Variants in CNGA3 observed in about 807,000 individuals in gnomAD.
CNGA3 encodes cyclic nucleotide-gated channel alpha-3.
Under a neutral mutation model 46.6 loss-of-function variants are expected in CNGA3, and 42 were observed. That is an observed-to-expected ratio of 0.90 (90% CI 0.70 to 1.17). The LOEUF (loss-of-function observed/expected upper bound fraction) is 1.17. Ranked by LOEUF, CNGA3 falls within the 50% of genes most tolerant of loss-of-function variation. The pLI is 0.00. For synonymous variants in CNGA3, 394 were observed against 369.4 expected (o/e 1.07, Z -0.76); for missense variants, 893 against 890.7 (o/e 1.00, Z -0.03).
intron 1 of CNGA3, among the ~76,000 whole-genome samples, chr2:98,353,024 C>T (rs1042163156): frequency 2.0e-5 from 3 of 152,166 alleles, no homozygotes; most frequent in African/African-American, 7.2e-5. Flanking sequence ...TGACCACAAG[C>T]CTCACCTATA....
At chr2:98,368,390 G>A (rs770908354) in intron 1 of CNGA3, among the ~76,000 whole-genome samples, 1 of 152,230 alleles carries the variant, frequency 6.6e-6, no homozygotes, top group African/African-American at 2.4e-5. Flanking sequence ...GGCTGCTCAA[G>A]AGAGCCTGTG....
chr2:98,380,378 G>T, intron 4 of CNGA3, 24 bp downstream of exon 4: 3 of 1,607,280 alleles, frequency 1.9e-6, no homozygotes, highest in East Asian at 2.2e-5. Flanking sequence ...AAGAAGAAGG[G>T]GCCTCTGGTG....
intron 1 of CNGA3, among the ~76,000 whole-genome samples, chr2:98,357,157 AG>A (rs1691901283): frequency 6.6e-6 from 1 of 152,216 alleles, no homozygotes; most frequent in Admixed American, 6.5e-5. Context: ...CTTGCCTTTA[AG>A]GCTTTTGGAG....
At chr2:98,374,466 C>T (rs2104188099) in intron 2 of CNGA3, among the ~76,000 whole-genome samples, 1 of 152,312 alleles carries the variant, frequency 6.6e-6, no homozygotes, top group East Asian at 1.9e-4. Context: ...TTTACAGAGA[C>T]TGAGGTCCTG....
Position 98,397,914 on chromosome 2 carries a change from C to A in CNGA3, c.*659C>A, listed in dbSNP as rs1188518238. 1 of 153,360 alleles carries A rather than the reference C, an allele frequency of 6.5e-6. No homozygotes were observed. The highest frequency in any genetic ancestry group is 1.5e-5 in the Non-Finnish European group (1 of 68,918). 9.5% of individuals were successfully genotyped at this position (153,360 alleles called of 1,614,324 possible). A position where few individuals can be genotyped will look rare whatever the true frequency, so the allele number is the denominator to read the frequency against. ...TCCTTGCCGTTCAGCCACTGTGAAA[C>A]CAGAATCTGCTTCACAGAAAAAAGC... is the stretch of plus-strand genomic sequence containing the variant. On this transcript the variant is annotated 3_prime_UTR_variant, in exon 8 of 8. Transcript: ENST00000272602.
intron 7 of CNGA3, among the ~76,000 whole-genome samples, chr2:98,395,042 C>T (rs1391934484): frequency 6.6e-6 from 1 of 152,158 alleles, no homozygotes; most frequent in East Asian, 1.9e-4. Context: ...TAAGTATTGA[C>T]ATCCTCAAAA....
At position 98,366,286 on chromosome 2, in the gene CNGA3, G is replaced by C. The variant is rs1194137470; in HGVS notation, c.-37-3653G>C. 2.0e-5 allele frequency among the ~76,000 whole-genome samples: 3 copies of C among 152,272 alleles called. 1 individual carries two copies. Among genetic ancestry groups the C allele is most frequent in the South Asian group, 4.1e-4 (2 of 4,822 alleles). ...GCCTGCTCCTTCATCCGGGAGATCC[G>C]TCTCAAAGGGGCGCTGACCTGATGC... is the stretch of plus-strand genomic sequence containing the variant. On this transcript the variant is annotated intron_variant, in intron 1 of 7. Transcript: ENST00000272602.
At chr2:98,395,704 A>C in intron 7 of CNGA3, 140 bp from the exon 8 acceptor site, 1 of 703,410 alleles carries the variant, frequency 1.4e-6, no homozygotes, top group Non-Finnish European at 2.5e-6. Context: ...TAGTAATGGT[A>C]AGTGTTGTTT....
intron 5 of CNGA3, 36 bp from the exon 6 acceptor site, chr2:98,389,622 G>C: frequency 6.4e-7 from 1 of 1,572,400 alleles, no homozygotes; most frequent in African/African-American, 1.3e-5. Flanking sequence ...CAGTCTTGGA[G>C]CACAGTGCGC....
chr2:98,384,082 G>A (rs573486244), intron 5 of CNGA3, among the ~76,000 whole-genome samples: 1 of 152,100 alleles, frequency 6.6e-6, no homozygotes, highest in African/African-American at 2.4e-5. Context: ...AGAGAGGGGG[G>A]GTTTCACCGT....
chr2:98,370,193 G>T, intron 2 of CNGA3, 117 bp downstream of exon 2: 1 of 818,332 alleles, frequency 1.2e-6, no homozygotes. Flanking sequence ...TCAGAGGGCA[G>T]GGGAGGTATT....
rs766645136 is a variant in CNGA3, at chr2:98,369,987, C to A, written c.12C>A (p.Ile4=). The part of the protein sequence containing the change: MAK[I]NTQYSHPSRT... ...GACAAACCGAGAAGATGGCCAAGATCAACACCCAATACTCCCACCCCTCCA... is the reference window on the plus strand; with the variant it reads ...GACAAACCGAGAAGATGGCCAAGATAAACACCCAATACTCCCACCCCTCCA... The change falls in exon 2 of 8, where the codon ATC becomes ATA. Residue 4 remains isoleucine (I), a synonymous_variant. Transcript: ENST00000272602. 1 of 1,613,826 alleles carries A rather than the reference C, an allele frequency of 6.2e-7. No individual in the cohort carries two copies. Among genetic ancestry groups the A allele is most frequent in the Admixed American group, 1.7e-5 (1 of 59,994 alleles).
At chr2:98,390,669 T>C (rs990522231) in intron 6 of CNGA3, among the ~76,000 whole-genome samples, 2 of 151,944 alleles carry the variant, frequency 1.3e-5, no homozygotes, top group African/African-American at 2.4e-5. Context: ...GCGGGGACTT[T>C]GGGGCATTTC....
intron 5 of CNGA3, among the ~76,000 whole-genome samples, chr2:98,388,153 C>A (rs1252723935): frequency 6.6e-6 from 1 of 152,160 alleles, no homozygotes; most frequent in Non-Finnish European, 1.5e-5. Flanking sequence ...CTCTTCAGGA[C>A]GTCTCCACGA....
intron 1 of CNGA3, 59 bp from the exon 2 acceptor site, chr2:98,369,880 C>T: frequency 8.9e-7 from 1 of 1,123,464 alleles, no homozygotes; most frequent in Non-Finnish European, 1.3e-6. Flanking sequence ...CCTTGATGAG[C>T]TGGGTTTGCA....
rs188631060 is a variant in CNGA3 at position 98,377,391 on chromosome 2, C to T, written c.102-296C>T. ...GGCTTGAAATGGCAAGCCCCGGGACCTCTCCCCACCCAGTGCTTTGATGAG... is the reference window on the plus strand; with the variant it reads ...GGCTTGAAATGGCAAGCCCCGGGACTTCTCCCCACCCAGTGCTTTGATGAG... On this transcript the variant is annotated intron_variant, in intron 2 of 7. Transcript: ENST00000272602. 135 of 359,226 alleles carry T rather than the reference C, an allele frequency of 3.8e-4. No individual in the cohort carries two copies. The East Asian group carries it at 7.0e-3, about 18-fold the overall frequency. The allele number at this position is 359,226 out of a possible 1,614,324, so 22.3% of individuals were successfully genotyped here.
intron 2 of CNGA3, among the ~76,000 whole-genome samples, chr2:98,370,961 A>G (rs1292641673): frequency 6.6e-6 from 1 of 152,144 alleles, no homozygotes; most frequent in Non-Finnish European, 1.5e-5. Context: ...AGTAGCTGGA[A>G]TTACAGGCAC....
intron 1 of CNGA3, among the ~76,000 whole-genome samples, chr2:98,356,652 C>G (rs1691886065): frequency 6.6e-6 from 1 of 152,170 alleles, no homozygotes; most frequent in Non-Finnish European, 1.5e-5. Context: ...CAGCTGCATT[C>G]AGACTTGGAA....
chr2:98,396,584 G>C lies in CNGA3; in HGVS notation c.1414G>C (p.Val472Leu). Residue 472 changes from valine (V) to leucine (L), a missense_variant, in exon 8 of 8, where the codon GTG becomes CTG. Physicochemically the swap from Val to Leu is conservative, Grantham distance 32. This residue lies in a region of CNGA3 where 548 missense variants were observed against 570.8 expected (regional missense o/e 0.96). Transcript: ENST00000272602. ...DKLKAEIAIN[V>L]HLDTLKKVRI... ...GCTGAAGGCTGAGATCGCCATCAACGTGCACCTGGACACGCTGAAGAAGGT... is the reference window on the plus strand; with the variant it reads ...GCTGAAGGCTGAGATCGCCATCAACCTGCACCTGGACACGCTGAAGAAGGT... 1 of 1,613,898 alleles carries C rather than the reference G, an allele frequency of 6.2e-7. No individual in the cohort carries two copies. Among genetic ancestry groups the C allele is most frequent in the Non-Finnish European group, 8.5e-7 (1 of 1,179,928 alleles).
Sources: allele counts gnomAD v4.1 joint callset (sites outside exome capture counted in the v4.1 genomes callset), GRCh38; gene constraint gnomAD v4.1.1; regional missense constraint gnomAD v4.1.1; transcripts MANE v1.5; gene names NCBI Gene and HGNC (gene_info 2026-07-23, HGNC 2026-07-21).